The following DNAH8 variants were observed in gnomAD, a reference collection of about 807,000 sequenced individuals.
DNAH8 encodes the protein axonemal beta dynein heavy chain 8.
A neutral mutation model predicts 562.1 loss-of-function variants in DNAH8; 382 were observed. The ratio of observed to expected loss-of-function variants is 0.68; its 90% CI spans 0.63 to 0.74. The LOEUF (loss-of-function observed/expected upper bound fraction) is 0.74, where lower values mean the gene tolerates loss of function less well. Ranked by LOEUF, DNAH8 falls within the 30% of genes least tolerant of loss-of-function variation. The pLI, the probability that DNAH8 is intolerant of heterozygous loss-of-function variation, is 0.00. For synonymous variants in DNAH8, 1,881 were observed against 1,919.4 expected (o/e 0.98, Z 0.52); for missense variants, 5,203 against 5,620.4 (o/e 0.93, Z 2.37).
chr6:38,948,103 C>A (rs1435962344), intron 80 of DNAH8, among the ~76,000 whole-genome samples: 2 of 151,944 alleles, frequency 1.3e-5, no homozygotes, highest in East Asian at 3.9e-4. Context: ...AACTGAGTTG[C>A]AGAATAACTG....
chr6:38,949,584 T>A lies in DNAH8; in HGVS notation c.12248+14T>A. The A allele has an allele frequency of 7.2e-7, 1 of 1,397,386 alleles. No individual in the cohort carries two copies. Among genetic ancestry groups the A allele is most frequent in the Non-Finnish European group, 1.0e-6 (1 of 983,658 alleles). The allele number at this position is 1,397,386 out of a possible 1,614,324, so 86.6% of individuals were successfully genotyped here. On this transcript the variant is annotated intron_variant, in intron 81 of 92. Transcript: ENST00000327475. ...TTTACTTATCAGGTGAGAACAGGCA[T>A]TATCAGACCTAGAAGCATCACTCAT...
At position 38,917,413 on chromosome 6, in the gene DNAH8, A is replaced by G; in HGVS notation, c.10308+7A>G. The G allele has an allele frequency of 1.2e-6, 2 of 1,611,562 alleles. No individual in the cohort carries two copies. The highest frequency in any genetic ancestry group is 1.7e-6 in the Non-Finnish European group (2 of 1,178,338). On this transcript the variant is annotated splice_region_variant and intron_variant, in intron 69 of 92. Coordinates refer to ENST00000327475, the MANE Select transcript of DNAH8 (RefSeq NM_001206927.2). ...ATGGGGAGAGTCATTAAAGGTAAGT[A>G]AAATCTATCATTGTCAATCCTATGA... is the stretch of plus-strand genomic sequence containing the variant.
chr6:38,756,496 A>G (rs763667830), intron 10 of DNAH8, among the ~76,000 whole-genome samples: 11 of 151,994 alleles, frequency 7.2e-5, no homozygotes, highest in Non-Finnish European at 1.0e-4. Flanking sequence ...TAAACAATAT[A>G]TATTTAAATT....
Position 38,737,481 on chromosome 6 carries a change from A to G in DNAH8, c.952+225A>G, listed in dbSNP as rs183395573. Among the ~76,000 whole-genome samples the G allele has an allele frequency of 9.2e-5, 14 of 151,878 alleles. No individual in the cohort carries two copies. The East Asian group carries it at 2.5e-3, about 27-fold the overall frequency. On this transcript the variant is annotated intron_variant, in intron 6 of 92. Coordinates refer to ENST00000327475, the MANE Select transcript of DNAH8 (RefSeq NM_001206927.2). The stretch of plus-strand genomic sequence containing the variant: ...GTTATAGCAGGAGGAATCTCTTTCT[A>G]TAATATTAATGAAAATTTTCACCAT...
At chr6:38,928,797 C>A (rs894802305) in intron 74 of DNAH8, among the ~76,000 whole-genome samples, 1 of 152,072 alleles carries the variant, frequency 6.6e-6, no homozygotes, top group Non-Finnish European at 1.5e-5. Flanking sequence ...CACAGTTAGG[C>A]AGGGGGAGGG....
intron 79 of DNAH8, among the ~76,000 whole-genome samples, chr6:38,944,443 G>A (rs1453011729): frequency 2.6e-5 from 4 of 152,180 alleles, no homozygotes; most frequent in Non-Finnish European, 5.9e-5. Context: ...TGGTCCATGA[G>A]TTGATTTGTG....
chr6:38,868,012 T>C (rs748060818), intron 47 of DNAH8, 50 bp from the exon 48 acceptor site: 10 of 1,573,440 alleles, frequency 6.4e-6, no homozygotes, highest in Non-Finnish European at 7.8e-6. Flanking sequence ...CGTGAGTCTA[T>C]GTTTAGTTTT....
intron 88 of DNAH8, among the ~76,000 whole-genome samples, chr6:38,997,545 C>T (rs1191024186): frequency 4.6e-5 from 7 of 152,112 alleles, no homozygotes; most frequent in Non-Finnish European, 7.3e-5. Context: ...TGGGAAAGAA[C>T]ATGGGATATA....
In DNAH8 at chr6:38,860,240, A is replaced by G. The variant is rs78324813; in HGVS notation, c.5959-217A>G. Among the ~76,000 whole-genome samples the G allele has an allele frequency of 0.01, 1,560 of 151,944 alleles. 89 individuals carry two copies. The East Asian group carries it at 0.15, about 14-fold the overall frequency. ...GTACTTTATTGCAATGATTTGTTTC[A>G]CTGTTTGCCTTTTGCCCTTTTCTGT... On this transcript the variant is annotated intron_variant, in intron 42 of 92. Transcript: ENST00000327475.
Position 38,906,410 on chromosome 6 carries a change from A to G in DNAH8, c.9348+3A>G. 6.4e-7 allele frequency: 1 copy of G among 1,556,386 alleles called. No individual in the cohort carries two copies. Among genetic ancestry groups the G allele is most frequent in the Non-Finnish European group, 8.7e-7 (1 of 1,153,678 alleles). On this transcript the variant is annotated splice_donor_region_variant and intron_variant, in intron 63 of 92. Transcript: ENST00000327475. ...ACAACTTGCTATCTTCAGGGGAGGT[A>G]AGTCTCAAAAGTAGAGAAAAAGCCC... is the stretch of plus-strand genomic sequence containing the variant.
chr6:38,956,819 G>GA (rs1762276475), intron 82 of DNAH8, among the ~76,000 whole-genome samples: 4 of 152,132 alleles, frequency 2.6e-5, no homozygotes, highest in Admixed American at 2.6e-4. Flanking sequence ...TACTACTAGA[G>GA]AAAATCACTT....
At position 38,973,700 on chromosome 6, in the gene DNAH8, G is replaced by A; in HGVS notation, c.12565G>A (p.Glu4189Lys). ...ACTACAAAATTGCCACCTTGGCCTG[G>A]AATTCATGGAAGAATTACTAGAGAC... Reference protein sequence around the residue: ...VLLQNCHLGLEFMEELLETLI... With the variant: ...VLLQNCHLGLKFMEELLETLI... The change falls in exon 84 of 93, where the codon GAA becomes AAA. Residue 4189 changes from glutamate to lysine, a missense_variant. Coordinates refer to ENST00000327475, the MANE Select transcript of DNAH8 (RefSeq NM_001206927.2). 3 of 1,606,456 alleles carry A rather than the reference G, an allele frequency of 1.9e-6. No individual in the cohort carries two copies. The highest frequency in any genetic ancestry group is 1.1e-5 in the South Asian group (1 of 89,500).
intron 17 of DNAH8, among the ~76,000 whole-genome samples, chr6:38,785,555 C>G (rs1339704132): frequency 6.6e-6 from 1 of 152,074 alleles, no homozygotes; most frequent in East Asian, 1.9e-4. Context: ...TCTGGGATTT[C>G]TGCACCTGTC....
In DNAH8 at chr6:38,873,150, G is replaced by A. The variant is rs1236782798; in HGVS notation, c.7479+3G>A. The A allele has an allele frequency of 6.2e-7, 1 of 1,613,304 alleles. No individual in the cohort carries two copies. The highest frequency in any genetic ancestry group is 1.1e-5 in the South Asian group (1 of 91,060). On this transcript the variant is annotated splice_donor_region_variant and intron_variant, in intron 51 of 92. Transcript: ENST00000327475. Reference sequence around the variant, plus strand: ...TCAGCTGGAGGCCAATCTTACAGGTGGGGCAGAGAGATGGGAAGAAGAACC... The same window carrying A: ...TCAGCTGGAGGCCAATCTTACAGGTAGGGCAGAGAGATGGGAAGAAGAACC...
intron 16 of DNAH8, among the ~76,000 whole-genome samples, 178 bp from the exon 17 acceptor site, chr6:38,782,826 G>A (rs891328054): frequency 1.3e-5 from 2 of 152,098 alleles, no homozygotes; most frequent in Non-Finnish European, 1.5e-5. Context: ...TACTGATAAC[G>A]TTTCCCTACT....
At chr6:38,905,885 GT>G (rs1045405653) in intron 62 of DNAH8, among the ~76,000 whole-genome samples, 2 of 150,742 alleles carry the variant, frequency 1.3e-5, no homozygotes, top group African/African-American at 2.5e-5. Context: ...TATGACTATG[GT>G]TTTTTTTGTT....
At chr6:38,841,367 C>T (rs1248156560) in intron 33 of DNAH8, among the ~76,000 whole-genome samples, 2 of 151,942 alleles carry the variant, frequency 1.3e-5, no homozygotes, top group South Asian at 2.1e-4. Flanking sequence ...TATGGTGAGC[C>T]GAGATCGTGC....
At chr6:38,873,727 TACACACACAC>T (rs762717515) in intron 52 of DNAH8, among the ~76,000 whole-genome samples, 38 of 96,476 alleles carry the variant, frequency 3.9e-4, no homozygotes, top group Middle Eastern at 5.4e-3. Flanking sequence ...CACATACACC[TACACACACAC>T]ACACACACAC....
intron 67 of DNAH8, among the ~76,000 whole-genome samples, chr6:38,914,899 T>C (rs1781188704): frequency 6.6e-6 from 1 of 152,196 alleles, no homozygotes; most frequent in Admixed American, 6.5e-5. Context: ...CTATGATACT[T>C]ACTTGAATTG....
Sources: gnomAD v4.1 joint callset for allele counts (sites outside exome capture counted in the v4.1 genomes callset) on GRCh38, gnomAD v4.1.1 for gene constraint, MANE v1.5 for transcripts, NCBI Gene and HGNC (gene_info 2026-07-23, HGNC 2026-07-21) for gene names.